MARCKSL1: variants seen among roughly 807,000 people sequenced by gnomAD.
MARCKSL1 encodes the protein MARCKS like 1, also known as MARCKS-related protein.
MARCKSL1 carries 5 observed loss-of-function variants against 13.3 expected under a neutral mutation model. The observed-to-expected ratio is 0.38, with a 90% CI of 0.20 to 0.79. MARCKSL1 has a LOEUF of 0.79. MARCKSL1 is among the 30% of genes least tolerant of loss of function. MARCKSL1 has a pLI of 0.45. For synonymous variants in MARCKSL1, 126 were observed against 103.2 expected (o/e 1.22, Z -1.34); for missense variants, 274 against 251.6 (o/e 1.09, Z -0.60).
chr1:32,335,973 C>G lies in MARCKSL1; in HGVS notation c.61G>C (p.Ala21Pro). 1 of 1,294,754 alleles carries G rather than the reference C, an allele frequency of 7.7e-7. No homozygotes were observed. The highest frequency in any genetic ancestry group is 9.8e-7 in the Non-Finnish European group (1 of 1,018,710). 80.2% of individuals were successfully genotyped at this position (1,294,754 alleles called of 1,614,324 possible). ...GDVTAEEAAG[A>P]SPAKANGQEN... ...TGGCCGTTGGCCTTCGCGGGGGAAG[C>G]GCCTGCTGCCTCCTCGGCGGTCACG... Residue 21 changes from alanine (A) to proline (P), a missense_variant, in exon 1 of 2, where the codon GCT (alanine) becomes CCT (proline). Ala to Pro is a conservative substitution (Grantham distance 27). Transcript: ENST00000329421. This position sits in a 1 kb window ranked among gnomAD's most constrained non-coding sequence, Gnocchi z 4.1.
In MARCKSL1 at chr1:32,336,112, C is replaced by G; in HGVS notation, c.-79G>C. 3.5e-6 allele frequency: 1 copy of G among 285,528 alleles called. No individual in the cohort carries two copies. The highest frequency in any genetic ancestry group is 5.0e-6 in the Non-Finnish European group (1 of 201,796). The allele number at this position is 285,528 out of a possible 1,614,324, so 17.7% of individuals were successfully genotyped here. A position where few individuals can be genotyped will look rare whatever the true frequency, so the allele number is the denominator to read the frequency against. Reference sequence around the variant, plus strand: ...GATAGTACGGCGGGGTCGGCCCGGCCGGCGGAGGGGTGGGGCTGGCGCCCG... The same window carrying G: ...GATAGTACGGCGGGGTCGGCCCGGCGGGCGGAGGGGTGGGGCTGGCGCCCG... On this transcript the variant is annotated 5_prime_UTR_variant, in exon 1 of 2. Coordinates refer to ENST00000329421, the MANE Select transcript of MARCKSL1 (RefSeq NM_023009.7).
rs1189469790 is a variant in MARCKSL1, at chr1:32,334,923, TCTTGGGGGTCTC to T, written c.250_261del (p.Glu84_Lys87del). 6.2e-7 allele frequency: 1 copy of T among 1,612,226 alleles called. No individual in the cohort carries two copies. The highest frequency in any genetic ancestry group is 8.5e-7 in the Non-Finnish European group (1 of 1,179,940). ...TTCTTGAAAGAGAATTTCTTCTTCT[TCTTGGGGGTCTC>T]CTTGGGGGGGACCTCCCCCTTGGCC... On this transcript the variant is annotated inframe_deletion, in exon 2 of 2. Coordinates refer to ENST00000329421, the MANE Select transcript of MARCKSL1 (RefSeq NM_023009.7).
Position 32,335,159 on chromosome 1 carries a change from T to A in MARCKSL1, c.88-62A>T, listed in dbSNP as rs1268314161. 6.8e-7 allele frequency: 1 copy of A among 1,479,798 alleles called. No homozygotes were observed. The highest frequency in any genetic ancestry group is 9.0e-7 in the Non-Finnish European group (1 of 1,114,168). 91.7% of individuals were successfully genotyped at this position (1,479,798 alleles called of 1,614,324 possible). A position where few individuals can be genotyped will look rare whatever the true frequency, so the allele number is the denominator to read the frequency against. Reference sequence around the variant, plus strand: ...TCCCCCTCCCCCAGCCCGCTTCTGATCCCTTCTAGAGGAAGGGGTCCTCGA... The same window carrying A: ...TCCCCCTCCCCCAGCCCGCTTCTGAACCCTTCTAGAGGAAGGGGTCCTCGA... On this transcript the variant is annotated intron_variant, in intron 1 of 1. Coordinates refer to ENST00000329421, the MANE Select transcript of MARCKSL1 (RefSeq NM_023009.7). This position sits in a 1 kb window ranked among gnomAD's most constrained non-coding sequence, Gnocchi z 4.1.
Position 32,336,069 on chromosome 1 carries a change from C to A in MARCKSL1, c.-36G>T. On this transcript the variant is annotated 5_prime_UTR_variant, in exon 1 of 2. Transcript: ENST00000329421. Reference sequence around the variant, plus strand: ...TGCTGGGGGGCGCTTGGAGCCGCCCCGGGCTCGCGCCGCAGGGGATAGTAC... The same window carrying A: ...TGCTGGGGGGCGCTTGGAGCCGCCCAGGGCTCGCGCCGCAGGGGATAGTAC... The A allele has an allele frequency of 9.9e-7, 1 of 1,008,244 alleles. No individual in the cohort carries two copies. The highest frequency in any genetic ancestry group is 1.2e-6 in the Non-Finnish European group (1 of 826,846). The allele number at this position is 1,008,244 out of a possible 1,614,324, so 62.5% of individuals were successfully genotyped here. A position where few individuals can be genotyped will look rare whatever the true frequency, so the allele number is the denominator to read the frequency against.
rs780260184 is a variant in MARCKSL1, at chr1:32,334,762, C to T, written c.423G>A (p.Gln141=). 1 of 1,611,774 alleles carries T rather than the reference C, an allele frequency of 6.2e-7. No individual in the cohort carries two copies. The highest frequency in any genetic ancestry group is 1.1e-5 in the South Asian group (1 of 91,016). ...IGACSDEGTA[Q]EGKAAATPES... The stretch of plus-strand genomic sequence containing the variant: ...CAGGGGTGGCTGCGGCCTTCCCTTC[C>T]TGAGCAGTGCCCTCGTCGCTGCAGG... The change falls in exon 2 of 2, where the codon CAG becomes CAA. Residue 141 remains glutamine (Q), a synonymous_variant. Coordinates refer to ENST00000329421, the MANE Select transcript of MARCKSL1 (RefSeq NM_023009.7).
Position 32,333,973 on chromosome 1 carries a change from GAA to G in MARCKSL1, c.*622_*623del. The stretch of plus-strand genomic sequence containing the variant: ...TTAAAAGTTATTTACAACAGTGGGA[GAA>G]AAAAAGACAAGAAGTTGTTTCACAT... On this transcript the variant is annotated 3_prime_UTR_variant, in exon 2 of 2. Coordinates refer to ENST00000329421, the MANE Select transcript of MARCKSL1 (RefSeq NM_023009.7). 6.6e-6 allele frequency: 1 copy of G among 151,598 alleles called. No homozygotes were observed. Among genetic ancestry groups the G allele is most frequent in the East Asian group, 1.9e-4 (1 of 5,172 alleles). The allele number at this position is 151,598 out of a possible 1,614,324, so 9.4% of individuals were successfully genotyped here. A position where few individuals can be genotyped will look rare whatever the true frequency, so the allele number is the denominator to read the frequency against.
Position 32,335,546 on chromosome 1 carries a change from C to T in MARCKSL1, c.87+401G>A, listed in dbSNP as rs932168974. Among the ~76,000 whole-genome samples the T allele has an allele frequency of 6.6e-6, 1 of 151,302 alleles. No individual in the cohort carries two copies. The highest frequency in any genetic ancestry group is 2.4e-5 in the African/African-American group (1 of 41,286). On this transcript the variant is annotated intron_variant, in intron 1 of 1. Coordinates refer to ENST00000329421, the MANE Select transcript of MARCKSL1 (RefSeq NM_023009.7). This position sits in a 1 kb window ranked among gnomAD's most constrained non-coding sequence, Gnocchi z 4.1. The stretch of plus-strand genomic sequence containing the variant: ...CACCCCAGGCTCTCCCGCATCTCGG[C>T]TCCCCCTTAAAAAAAAAAAGACCGT...
In MARCKSL1 at chr1:32,335,127, C is replaced by CA; in HGVS notation, c.88-31dup. 6.6e-7 allele frequency: 1 copy of CA among 1,504,504 alleles called. No homozygotes were observed. The highest frequency in any genetic ancestry group is 8.9e-7 in the Non-Finnish European group (1 of 1,127,882). 93.2% of individuals were successfully genotyped at this position (1,504,504 alleles called of 1,614,324 possible). ...AGGGCAGAGGGAATAGCAATGAGGG[C>CA]AGGGGCTCCCCCTCCCCCAGCCCGC... On this transcript the variant is annotated intron_variant, in intron 1 of 1. Coordinates refer to ENST00000329421, the MANE Select transcript of MARCKSL1 (RefSeq NM_023009.7). The surrounding 1 kb of genome is among the most constrained non-coding windows in gnomAD (Gnocchi z 4.1).
rs1641388525 is a variant in MARCKSL1 at position 32,336,091 on chromosome 1, G to A, written c.-58C>T. On this transcript the variant is annotated 5_prime_UTR_variant, in exon 1 of 2. Coordinates refer to ENST00000329421, the MANE Select transcript of MARCKSL1 (RefSeq NM_023009.7). The stretch of plus-strand genomic sequence containing the variant: ...CCCCGGGCTCGCGCCGCAGGGGATA[G>A]TACGGCGGGGTCGGCCCGGCCGGCG... 4.1e-6 allele frequency: 4 copies of A among 972,446 alleles called. No individual in the cohort carries two copies. The highest frequency in any genetic ancestry group is 5.3e-6 in the Non-Finnish European group (4 of 753,912). The allele number at this position is 972,446 out of a possible 1,614,324, so 60.2% of individuals were successfully genotyped here.
chr1:32,335,190 T>C lies in MARCKSL1; in HGVS notation c.88-93A>G, dbSNP rs1641366077. The C allele has an allele frequency of 1.5e-6, 2 of 1,308,584 alleles. No individual in the cohort carries two copies. Among genetic ancestry groups the C allele is most frequent in the African/African-American group, 1.5e-5 (1 of 66,426 alleles). The allele number at this position is 1,308,584 out of a possible 1,614,324, so 81.1% of individuals were successfully genotyped here. A position where few individuals can be genotyped will look rare whatever the true frequency, so the allele number is the denominator to read the frequency against. On this transcript the variant is annotated intron_variant, in intron 1 of 1. Coordinates refer to ENST00000329421, the MANE Select transcript of MARCKSL1 (RefSeq NM_023009.7). The surrounding 1 kb of genome is among the most constrained non-coding windows in gnomAD (Gnocchi z 4.1). ...CTAGAGGAAGGGGTCCTCGATTCGATTCTACTGCAACCCGAAAGTCTGGCT... is the reference window on the plus strand; with the variant it reads ...CTAGAGGAAGGGGTCCTCGATTCGACTCTACTGCAACCCGAAAGTCTGGCT...
At position 32,335,029 on chromosome 1, in the gene MARCKSL1, G is replaced by A; in HGVS notation, c.156C>T (p.Asn52=). Residue 52 remains asparagine, a synonymous_variant, in exon 2 of 2, where the codon AAC becomes AAT. Coordinates refer to ENST00000329421, the MANE Select transcript of MARCKSL1 (RefSeq NM_023009.7). The surrounding 1 kb of genome is among the most constrained non-coding windows in gnomAD (Gnocchi z 4.1). ...PKGEGESPPV[N]GTDEAAGATG... ...TGGCCCCGGCTGCCTCATCTGTTCCGTTCACAGGGGGCGACTCCCCTTCAC... is the reference window on the plus strand; with the variant it reads ...TGGCCCCGGCTGCCTCATCTGTTCCATTCACAGGGGGCGACTCCCCTTCAC... 1 of 1,576,930 alleles carries A rather than the reference G, an allele frequency of 6.3e-7. No homozygotes were observed. The highest frequency in any genetic ancestry group is 8.6e-7 in the Non-Finnish European group (1 of 1,162,956).
rs1641365864 is a variant in MARCKSL1, at chr1:32,335,181, T to C, written c.88-84A>G. 1.5e-6 allele frequency: 2 copies of C among 1,340,418 alleles called. No individual in the cohort carries two copies. The highest frequency in any genetic ancestry group is 1.9e-6 in the Non-Finnish European group (2 of 1,027,168). The allele number at this position is 1,340,418 out of a possible 1,614,324, so 83.0% of individuals were successfully genotyped here. On this transcript the variant is annotated intron_variant, in intron 1 of 1. Transcript: ENST00000329421. The surrounding 1 kb of genome is among the most constrained non-coding windows in gnomAD (Gnocchi z 4.1). ...TGATCCCTTCTAGAGGAAGGGGTCC[T>C]CGATTCGATTCTACTGCAACCCGAA...
Position 32,335,615 on chromosome 1 carries a change from G to A in MARCKSL1, c.87+332C>T, listed in dbSNP as rs1408451854. On this transcript the variant is annotated intron_variant, in intron 1 of 1. Coordinates refer to ENST00000329421, the MANE Select transcript of MARCKSL1 (RefSeq NM_023009.7). This position sits in a 1 kb window ranked among gnomAD's most constrained non-coding sequence, Gnocchi z 4.1. ...CGGCGGGTGGAGTGCGCTCCCCGCC[G>A]GGCCCCAGCTCCGCGGCCCCTGGGC... Among the ~76,000 whole-genome samples the A allele has an allele frequency of 3.3e-5, 5 of 151,298 alleles. No individual in the cohort carries two copies. Among genetic ancestry groups the A allele is most frequent in the Admixed American group, 3.3e-4 (5 of 15,254 alleles).
Position 32,336,085 on chromosome 1 carries a change from G to A in MARCKSL1, c.-52C>T, listed in dbSNP as rs1371403717. 9.0e-7 allele frequency: 1 copy of A among 1,113,788 alleles called. No individual in the cohort carries two copies. Among genetic ancestry groups the A allele is most frequent in the African/African-American group, 1.6e-5 (1 of 62,076 alleles). 69.0% of individuals were successfully genotyped at this position (1,113,788 alleles called of 1,614,324 possible). A position where few individuals can be genotyped will look rare whatever the true frequency, so the allele number is the denominator to read the frequency against. ...GAGCCGCCCCGGGCTCGCGCCGCAGGGGATAGTACGGCGGGGTCGGCCCGG... is the reference window on the plus strand; with the variant it reads ...GAGCCGCCCCGGGCTCGCGCCGCAGAGGATAGTACGGCGGGGTCGGCCCGG... On this transcript the variant is annotated 5_prime_UTR_variant, in exon 1 of 2. Coordinates refer to ENST00000329421, the MANE Select transcript of MARCKSL1 (RefSeq NM_023009.7).
chr1:32,336,103 C>G lies in MARCKSL1; in HGVS notation c.-70G>C. 1 of 469,528 alleles carries G rather than the reference C, an allele frequency of 2.1e-6. No homozygotes were observed. The highest frequency in any genetic ancestry group is 2.7e-6 in the Non-Finnish European group (1 of 365,952). 29.1% of individuals were successfully genotyped at this position (469,528 alleles called of 1,614,324 possible). A position where few individuals can be genotyped will look rare whatever the true frequency, so the allele number is the denominator to read the frequency against. On this transcript the variant is annotated 5_prime_UTR_variant, in exon 1 of 2. Transcript: ENST00000329421. Reference sequence around the variant, plus strand: ...GCCGCAGGGGATAGTACGGCGGGGTCGGCCCGGCCGGCGGAGGGGTGGGGC... The same window carrying G: ...GCCGCAGGGGATAGTACGGCGGGGTGGGCCCGGCCGGCGGAGGGGTGGGGC...
Position 32,335,828 on chromosome 1 carries a change from G to A in MARCKSL1, c.87+119C>T, listed in dbSNP as rs1253756919. The A allele has an allele frequency of 9.3e-6, 4 of 428,620 alleles. No individual in the cohort carries two copies. Among genetic ancestry groups the A allele is most frequent in the Admixed American group, 9.5e-5 (2 of 21,154 alleles). The allele number at this position is 428,620 out of a possible 1,614,324, so 26.6% of individuals were successfully genotyped here. A position where few individuals can be genotyped will look rare whatever the true frequency, so the allele number is the denominator to read the frequency against. ...CCGAGAACAAAGGGACCGGGCGGGG[G>A]AGGGGGCGCCGCGTGTCCCGGGCCG... On this transcript the variant is annotated intron_variant, in intron 1 of 1. Coordinates refer to ENST00000329421, the MANE Select transcript of MARCKSL1 (RefSeq NM_023009.7). This position sits in a 1 kb window ranked among gnomAD's most constrained non-coding sequence, Gnocchi z 4.1.
Position 32,334,174 on chromosome 1 carries a change from A to G in MARCKSL1, c.*423T>C, listed in dbSNP as rs988885696. On this transcript the variant is annotated 3_prime_UTR_variant, in exon 2 of 2. Coordinates refer to ENST00000329421, the MANE Select transcript of MARCKSL1 (RefSeq NM_023009.7). The stretch of plus-strand genomic sequence containing the variant: ...AGGCACAGCACAAGAGACTAAAAAC[A>G]ACAGGGGAAGGCTGGACACTCAAGG... 6.3e-6 allele frequency: 1 copy of G among 158,800 alleles called. No homozygotes were observed. Among genetic ancestry groups the G allele is most frequent in the African/African-American group, 2.4e-5 (1 of 41,694 alleles). The allele number at this position is 158,800 out of a possible 1,614,324, so 9.8% of individuals were successfully genotyped here. A position where few individuals can be genotyped will look rare whatever the true frequency, so the allele number is the denominator to read the frequency against.
chr1:32,334,949 TC>T lies in MARCKSL1; in HGVS notation c.235del (p.Glu79ArgfsTer22). ...PPSQGAEAKG[E>X]VPPKETPKKK... Reference sequence around the variant, plus strand: ...CTTGGGGGTCTCCTTGGGGGGGACCTCCCCCTTGGCCTCAGCACCCTGGCTA... The same window carrying T: ...CTTGGGGGTCTCCTTGGGGGGGACCTCCCCTTGGCCTCAGCACCCTGGCTA... On this transcript the variant is annotated frameshift_variant, in exon 2 of 2. Coordinates refer to ENST00000329421, the MANE Select transcript of MARCKSL1 (RefSeq NM_023009.7). LOFTEE classifies it high-confidence loss of function. 6.2e-7 allele frequency: 1 copy of T among 1,612,014 alleles called. No homozygotes were observed.
Position 32,335,892 on chromosome 1 carries a change from G to A in MARCKSL1, c.87+55C>T, listed in dbSNP as rs1191769102. On this transcript the variant is annotated intron_variant, in intron 1 of 1. Coordinates refer to ENST00000329421, the MANE Select transcript of MARCKSL1 (RefSeq NM_023009.7). This position sits in a 1 kb window ranked among gnomAD's most constrained non-coding sequence, Gnocchi z 4.1. Reference sequence around the variant, plus strand: ...GCCCCGGCCCCGGCCCCGGGCCCTAGAAGGGGCGAGGTGCGAGAGGAGGGG... The same window carrying A: ...GCCCCGGCCCCGGCCCCGGGCCCTAAAAGGGGCGAGGTGCGAGAGGAGGGG... The A allele has an allele frequency of 5.4e-6, 6 of 1,120,808 alleles. No homozygotes were observed. The highest frequency in any genetic ancestry group is 1.6e-5 in the African/African-American group (1 of 62,370). 69.4% of individuals were successfully genotyped at this position (1,120,808 alleles called of 1,614,324 possible).
Sources: allele counts gnomAD v4.1 joint callset (sites outside exome capture counted in the v4.1 genomes callset), GRCh38; gene constraint gnomAD v4.1.1; non-coding constraint Gnocchi (gnomAD v3.1); transcripts MANE v1.5; gene names NCBI Gene and HGNC (gene_info 2026-07-23, HGNC 2026-07-21).